The following REDIC1 variants were observed in gnomAD, a reference collection of about 807,000 sequenced individuals.
The protein encoded by REDIC1 is regulator of DNA class I crossover intermediates 1, also known as HEI10 Interacting Protein 1.
the REDIC1 span, among the ~76,000 whole-genome samples, chr12:39,890,291 A>T: frequency 6.6e-6 from 1 of 152,224 alleles, no homozygotes; most frequent in Admixed American, 6.5e-5. Flanking sequence ...TTAGAGCATC[A>T]TTATTATTAA....
chr12:39,846,403 G>A, the REDIC1 span, among the ~76,000 whole-genome samples: 2 of 152,120 alleles, frequency 1.3e-5, no homozygotes, highest in African/African-American at 4.8e-5. Flanking sequence ...CTCAGTTAAA[G>A]CATGGTTCTG....
the REDIC1 span, among the ~76,000 whole-genome samples, chr12:39,859,137 C>A: frequency 1.3e-5 from 2 of 151,940 alleles, no homozygotes; most frequent in Non-Finnish European, 2.9e-5. Flanking sequence ...ACAGATGAAG[C>A]CACAGTTTGT....
the REDIC1 span, among the ~76,000 whole-genome samples, chr12:39,763,688 C>A: frequency 6.6e-6 from 1 of 152,096 alleles, no homozygotes; most frequent in Admixed American, 6.6e-5. Context: ...TCCGTCTCTA[C>A]CACATGGACT....
At chr12:39,711,777 GCATGTGTATGTGTGTGTA>G in the REDIC1 span, among the ~76,000 whole-genome samples, 2 of 132,396 alleles carry the variant, frequency 1.5e-5, no homozygotes, top group African/African-American at 5.6e-5. Flanking sequence ...GTGTGCACAT[GCATGTGTATGTGTGTGTA>G]CACATGCATG....
chr12:39,864,476 C>T, the REDIC1 span, among the ~76,000 whole-genome samples: 1 of 152,132 alleles, frequency 6.6e-6, no homozygotes, highest in Non-Finnish European at 1.5e-5. Flanking sequence ...TTTCTGAATT[C>T]CTGCTTAGAT....
the REDIC1 span, among the ~76,000 whole-genome samples, chr12:39,838,425 G>A: frequency 4.7e-5 from 7 of 147,788 alleles, no homozygotes; most frequent in Admixed American, 2.0e-4. Context: ...GCACCAGCAT[G>A]GCACATGTAT....
At chr12:39,796,314 G>C in the REDIC1 span, among the ~76,000 whole-genome samples, 1 of 151,788 alleles carries the variant, frequency 6.6e-6, no homozygotes, top group South Asian at 2.1e-4. Context: ...ACAATTCTGG[G>C]TGCAGTGGCA....
the REDIC1 span, among the ~76,000 whole-genome samples, chr12:39,664,345 G>A: frequency 2.3e-4 from 35 of 151,312 alleles, no homozygotes; most frequent in African/African-American, 6.5e-4. Context: ...TTGTCCTTGC[G>A]CTAGTTTGCT....
chr12:39,724,572 T>C, the REDIC1 span, among the ~76,000 whole-genome samples: 1 of 152,148 alleles, frequency 6.6e-6, no homozygotes, highest in Non-Finnish European at 1.5e-5. Flanking sequence ...TCTCATTGTT[T>C]GTTTCTGGGG....
At chr12:39,645,907 C>T in the REDIC1 span, among the ~76,000 whole-genome samples, 1 of 151,036 alleles carries the variant, frequency 6.6e-6, no homozygotes, top group Non-Finnish European at 1.5e-5. Context: ...TGGCTTGAGG[C>T]AGAGTTTTAT....
At chr12:39,888,821 C>G in the REDIC1 span, among the ~76,000 whole-genome samples, 1 of 152,134 alleles carries the variant, frequency 6.6e-6, no homozygotes. Context: ...ACTGATGCAA[C>G]TTAACTCTAT....
At chr12:39,787,862 G>A in the REDIC1 span, among the ~76,000 whole-genome samples, 1 of 152,132 alleles carries the variant, frequency 6.6e-6, no homozygotes, top group Non-Finnish European at 1.5e-5. Flanking sequence ...ATTCACTTCT[G>A]TTTGCTAGCC....
At chr12:39,845,556 G>C in the REDIC1 span, among the ~76,000 whole-genome samples, 1 of 152,104 alleles carries the variant, frequency 6.6e-6, no homozygotes, top group Non-Finnish European at 1.5e-5. Flanking sequence ...TGTGAATGTG[G>C]AGGACAAAGT....
At chr12:39,690,546 G>A in the REDIC1 span, among the ~76,000 whole-genome samples, 1 of 151,796 alleles carries the variant, frequency 6.6e-6, no homozygotes, top group Non-Finnish European at 1.5e-5. Context: ...GAATATGATA[G>A]CAATTAACAT....
chr12:39,868,738 T>A, the REDIC1 span, among the ~76,000 whole-genome samples: 1 of 152,316 alleles, frequency 6.6e-6, no homozygotes, highest in East Asian at 1.9e-4. Context: ...ATCAAGAATT[T>A]GTCATTAAAT....
At chr12:39,759,974 G>C in the REDIC1 span, 958 of 1,435,378 alleles carry the variant, frequency 6.7e-4, 4 homozygotes, top group South Asian at 1.8e-3. Flanking sequence ...ACCAATTGCT[G>C]TTCTTCTCCC....
chr12:39,885,270 A>G, the REDIC1 span, among the ~76,000 whole-genome samples: 2 of 152,112 alleles, frequency 1.3e-5, no homozygotes, highest in Non-Finnish European at 2.9e-5. Flanking sequence ...GAAATTCCCT[A>G]CTCTCTCAAA....
At chr12:39,637,503 C>T in the REDIC1 span, among the ~76,000 whole-genome samples, 1 of 151,990 alleles carries the variant, frequency 6.6e-6, no homozygotes, top group Non-Finnish European at 1.5e-5. Flanking sequence ...TGTTGTAGTA[C>T]ATAAGTCGAA....
chr12:39,835,380 C>T, the REDIC1 span, among the ~76,000 whole-genome samples: 1 of 152,070 alleles, frequency 6.6e-6, no homozygotes, highest in Non-Finnish European at 1.5e-5. Context: ...TTCTCACAAA[C>T]ATTTACTCTT....
Sources: gnomAD v4.1 joint callset for allele counts (sites outside exome capture counted in the v4.1 genomes callset) on GRCh38, gnomAD v4.1.1 for gene constraint, MANE v1.5 for transcripts, NCBI Gene and HGNC (gene_info 2026-07-23, HGNC 2026-07-21) for gene names.